The following RANBP3L variants were observed in gnomAD, a reference collection of about 807,000 sequenced individuals.
RANBP3L encodes the protein RAN binding protein 3 like, also known as ran-binding protein 3-like.
RANBP3L carries 56 observed loss-of-function variants against 67.2 expected under a neutral mutation model. That is an observed-to-expected ratio of 0.83 (90% CI 0.67 to 1.04). The LOEUF (loss-of-function observed/expected upper bound fraction) is 1.04, where lower values mean the gene tolerates loss of function less well. Among genes scored for constraint, RANBP3L ranks in the 50% least tolerant of loss-of-function variants. The pLI is 0.00. For synonymous variants in RANBP3L, 164 were observed against 181.4 expected, an observed-to-expected ratio of 0.90 and a Z score of 0.77; for missense variants, 496 against 535.5, an observed-to-expected ratio of 0.93 and a Z score of 0.73.
chr5:36,257,183 G>A, intron 9 of RANBP3L, 112 bp from the exon 10 acceptor site: 1 of 889,948 alleles, frequency 1.1e-6, no homozygotes, highest in South Asian at 2.2e-5. Flanking sequence ...AGTAGTAAGT[G>A]ATTCTAAAAA....
intron 1 of RANBP3L, among the ~76,000 whole-genome samples, chr5:36,284,243 A>G (rs1009698168): frequency 7.2e-5 from 11 of 152,200 alleles, no homozygotes; most frequent in African/African-American, 2.7e-4. Flanking sequence ...TTAAAAGTCT[A>G]GATCTTATTC....
At chr5:36,252,299 T>C (rs780746533) in intron 12 of RANBP3L, among the ~76,000 whole-genome samples, 3 of 152,050 alleles carry the variant, frequency 2.0e-5, no homozygotes, top group Non-Finnish European at 2.9e-5. Flanking sequence ...ATGGAATAAA[T>C]TATGGTCCAT....
At chr5:36,269,930 A>G (rs751574746) in intron 3 of RANBP3L, 21 bp downstream of exon 3, 8 of 1,602,128 alleles carry the variant, frequency 5.0e-6, no homozygotes, top group Non-Finnish European at 6.8e-6. Flanking sequence ...TGATTTTGGA[A>G]TACAGGATGA....
chr5:36,295,677 T>TG (rs968333929), intron 1 of RANBP3L, among the ~76,000 whole-genome samples: 6 of 147,906 alleles, frequency 4.1e-5, no homozygotes, highest in East Asian at 1.9e-4. Context: ...TATCCTGTTT[T>TG]TTTTTTTTTT....
At chr5:36,261,511 A>C (rs1749385128) in intron 7 of RANBP3L, among the ~76,000 whole-genome samples, 1 of 152,144 alleles carries the variant, frequency 6.6e-6, no homozygotes, top group African/African-American at 2.4e-5. Flanking sequence ...ACATTTATCC[A>C]TCACTAGTAA....
At chr5:36,263,906 A>C (rs1043069578) in intron 6 of RANBP3L, among the ~76,000 whole-genome samples, 13 of 152,252 alleles carry the variant, frequency 8.5e-5, no homozygotes, top group African/African-American at 3.1e-4. Context: ...AAACAATAAT[A>C]TACTTATCTA....
chr5:36,298,299 TAA>T (rs397786019), intron 1 of RANBP3L, among the ~76,000 whole-genome samples: 48 of 127,922 alleles, frequency 3.8e-4, no homozygotes, highest in Admixed American at 5.6e-4. Flanking sequence ...GACTCCATCT[TAA>T]AAAAAAAAAA....
intron 1 of RANBP3L, among the ~76,000 whole-genome samples, chr5:36,290,244 G>A (rs1367777336): frequency 7.1e-6 from 1 of 140,476 alleles, no homozygotes; most frequent in East Asian, 2.0e-4. Context: ...TTTTCTTAGA[G>A]CCTCACTCCA....
intron 1 of RANBP3L, among the ~76,000 whole-genome samples, chr5:36,286,478 A>G (rs539495195): frequency 6.6e-6 from 1 of 152,278 alleles, no homozygotes; most frequent in South Asian, 2.1e-4. Flanking sequence ...CCTCCAACAC[A>G]GTCATTCTTA....
chr5:36,265,931 C>A (rs1373300682), intron 4 of RANBP3L, among the ~76,000 whole-genome samples: 1 of 145,642 alleles, frequency 6.9e-6, no homozygotes, highest in African/African-American at 2.5e-5. Flanking sequence ...GAGCTGAAAT[C>A]GCACCACTGC....
intron 1 of RANBP3L, among the ~76,000 whole-genome samples, chr5:36,278,117 A>G (rs965642573): frequency 1.3e-5 from 2 of 152,142 alleles, no homozygotes; most frequent in Non-Finnish European, 2.9e-5. Context: ...GGACACAGCC[A>G]AACAATATCA....
chr5:36,284,576 T>C (rs919330555), intron 1 of RANBP3L, among the ~76,000 whole-genome samples: 2 of 152,242 alleles, frequency 1.3e-5, no homozygotes, highest in Non-Finnish European at 2.9e-5. Flanking sequence ...ATTTGAGGTT[T>C]TGCATACTGC....
chr5:36,289,659 A>G (rs2363035), intron 1 of RANBP3L, among the ~76,000 whole-genome samples: 118,191 of 152,092 alleles, frequency 0.78, 51,353 homozygotes, highest in Non-Finnish European at 0.99. Flanking sequence ...TGAGTACTCT[A>G]ATATTTTTAA....
Position 36,294,936 on chromosome 5 carries a change from A to G in RANBP3L, c.91+6390T>C, listed in dbSNP as rs188159030. On this transcript the variant is annotated intron_variant, in intron 1 of 13. Transcript: ENST00000296604. ...ATACATATATAATATATGCATATAT[A>G]CATATGTACACTACATATTATATAT... Among the ~76,000 whole-genome samples, 906 of 147,264 alleles carry G rather than the reference A, an allele frequency of 6.2e-3. 7 individuals are homozygous for G. The highest frequency in any genetic ancestry group is 9.3e-3 in the Non-Finnish European group (614 of 66,098).
chr5:36,271,385 A>C, intron 1 of RANBP3L, 74 bp from the exon 2 acceptor site: 1 of 967,340 alleles, frequency 1.0e-6, no homozygotes, highest in Non-Finnish European at 1.5e-6. Flanking sequence ...AAAATATTTG[A>C]AGACTTTTTT....
intron 6 of RANBP3L, 21 bp downstream of exon 6, chr5:36,264,938 C>T (rs1328345167): frequency 5.0e-6 from 8 of 1,606,090 alleles, no homozygotes; most frequent in Admixed American, 1.7e-5. Flanking sequence ...AGGTCAGTTC[C>T]GTTATCCTGG....
At chr5:36,291,302 C>G (rs1751739607) in intron 1 of RANBP3L, among the ~76,000 whole-genome samples, 1 of 151,124 alleles carries the variant, frequency 6.6e-6, no homozygotes, top group Non-Finnish European at 1.5e-5. Flanking sequence ...CAGTATTTAT[C>G]TTTTTGTGAC....
Position 36,269,974 on chromosome 5 carries a change from G to A in RANBP3L, c.167C>T (p.Thr56Ile), listed in dbSNP as rs1395512595. 1.9e-6 allele frequency: 3 copies of A among 1,613,594 alleles called. No individual in the cohort carries two copies. Among genetic ancestry groups the A allele is most frequent in the African/African-American group, 1.3e-5 (1 of 75,046 alleles). Residue 56 changes from threonine to isoleucine, a missense_variant, in exon 3 of 14, where the codon ACC (threonine) becomes ATC (isoleucine). Transcript: ENST00000296604. ...ACCTGGTTCTGCTGCTTCATACAGG[G>A]TGTCTTCTGCAGGTCTCTGAAAGGA... ...EQTFKRPAEDTLYEAAEPECN... is the reference protein window; with the variant it reads ...EQTFKRPAEDILYEAAEPECN...
chr5:36,278,721 G>A (rs1750768102), intron 1 of RANBP3L, among the ~76,000 whole-genome samples: 1 of 152,128 alleles, frequency 6.6e-6, no homozygotes, highest in African/African-American at 2.4e-5. Context: ...CTAAGTACTT[G>A]CAAAGAAATC....
Sources: gnomAD v4.1 joint callset for allele counts (sites outside exome capture counted in the v4.1 genomes callset) on GRCh38, gnomAD v4.1.1 for gene constraint, MANE v1.5 for transcripts, NCBI Gene and HGNC (gene_info 2026-07-23, HGNC 2026-07-21) for gene names.